The following NDST1 variants were observed in gnomAD, a reference collection of about 807,000 sequenced individuals.
NDST1 encodes bifunctional heparan sulfate N-deacetylase/N-sulfotransferase 1.
A neutral mutation model predicts 92.8 loss-of-function variants in NDST1; 35 were observed. That is an observed-to-expected ratio of 0.38 (90% CI 0.29 to 0.50). The LOEUF (loss-of-function observed/expected upper bound fraction) is 0.50, where lower values mean the gene tolerates loss of function less well. Ranked by LOEUF, NDST1 falls within the 20% of genes least tolerant of loss-of-function variation. NDST1 has a pLI of 0.94. For synonymous variants in NDST1, 493 were observed against 500.3 expected, an observed-to-expected ratio of 0.99 and a Z score of 0.19; for missense variants, 822 against 1,182.7, an observed-to-expected ratio of 0.69 and a Z score of 4.47.
intron 11 of NDST1, among the ~76,000 whole-genome samples, chr5:150,546,840 G>T (rs1755508018): frequency 6.6e-6 from 1 of 152,256 alleles, no homozygotes. Context: ...TTCTGTTTAT[G>T]CCCTGATGTC....
intron 6 of NDST1, among the ~76,000 whole-genome samples, 166 bp from the exon 7 acceptor site, chr5:150,539,062 T>C (rs1002146582): frequency 2.0e-5 from 3 of 152,310 alleles, no homozygotes; most frequent in East Asian, 1.9e-4. Context: ...TGTAGTTCAC[T>C]GGGGGGAACG....
chr5:150,542,573 T>G (rs1755291428), intron 9 of NDST1, among the ~76,000 whole-genome samples: 1 of 152,202 alleles, frequency 6.6e-6, no homozygotes, highest in African/African-American at 2.4e-5. Flanking sequence ...TGAGGCAGAT[T>G]CTGAGGCCAC....
chr5:150,547,097 A>G (rs1271581791), intron 11 of NDST1, among the ~76,000 whole-genome samples: 1 of 152,204 alleles, frequency 6.6e-6, no homozygotes, highest in Non-Finnish European at 1.5e-5. Context: ...AAGGCAGAGG[A>G]GGGGTTTCAC....
intron 13 of NDST1, chr5:150,550,319 C>G (rs938497703): frequency 1.2e-5 from 2 of 162,990 alleles, no homozygotes; most frequent in Admixed American, 5.9e-5. Context: ...TCAGCCTGGT[C>G]TCGAATGATC....
At chr5:150,516,873 T>C (rs1753991058) in intron 1 of NDST1, among the ~76,000 whole-genome samples, 1 of 151,926 alleles carries the variant, frequency 6.6e-6, no homozygotes, top group Admixed American at 6.6e-5. Flanking sequence ...ACCATGTTGG[T>C]CAGGCCGGTC....
chr5:150,509,231 G>A (rs2151249059), intron 1 of NDST1, among the ~76,000 whole-genome samples: 1 of 152,350 alleles, frequency 6.6e-6, no homozygotes, highest in Admixed American at 6.5e-5. Flanking sequence ...CATGCGGGAG[G>A]GTGGGGGCTA....
At chr5:150,513,049 A>AGG (rs961499168) in intron 1 of NDST1, among the ~76,000 whole-genome samples, 1 of 152,188 alleles carries the variant, frequency 6.6e-6, no homozygotes, top group Non-Finnish European at 1.5e-5. Context: ...TTAAAAAATT[A>AGG]GCTGGGCATG....
At chr5:150,498,816 C>T (rs761666129) in intron 1 of NDST1, among the ~76,000 whole-genome samples, 3 of 152,200 alleles carry the variant, frequency 2.0e-5, no homozygotes, top group African/African-American at 4.8e-5. Context: ...CCCCTCCTCC[C>T]GCTACCTGGG....
rs955847344 is a variant in NDST1, at chr5:150,520,940, C to T, written c.-315C>T. ...GGCCTGTCCAGTGTCCTCTGGCCTG[C>T]TGCCCTGCACCCCCAGAAGGCCCTG... On this transcript the variant is annotated 5_prime_UTR_variant, in exon 2 of 15. Coordinates refer to ENST00000261797, the MANE Select transcript of NDST1 (RefSeq NM_001543.5). The T allele has an allele frequency of 3.6e-6, 2 of 550,034 alleles. No individual in the cohort carries two copies. Among genetic ancestry groups the T allele is most frequent in the Non-Finnish European group, 6.4e-6 (2 of 312,892 alleles). 34.1% of individuals were successfully genotyped at this position (550,034 alleles called of 1,614,324 possible). A position where few individuals can be genotyped will look rare whatever the true frequency, so the allele number is the denominator to read the frequency against.
At chr5:150,505,021 A>G (rs1216389832), upstream of NDST1, among the ~76,000 whole-genome samples, 2 of 152,206 alleles carry the variant, frequency 1.3e-5, no homozygotes, top group Non-Finnish European at 2.9e-5. Context: ...TTTCTGAGAA[A>G]GGGGGAAGAA....
rs1754849023 is a variant in NDST1 at position 150,533,682 on chromosome 5, A to T, written c.1096+650A>T. On this transcript the variant is annotated intron_variant, in intron 4 of 14. Coordinates refer to ENST00000261797, the MANE Select transcript of NDST1 (RefSeq NM_001543.5). Reference sequence around the variant, plus strand: ...CTCTTGAATTCTAAGAAAACCATTTATTCAATAATTCAGCAGATGGAGGGG... The same window carrying T: ...CTCTTGAATTCTAAGAAAACCATTTTTTCAATAATTCAGCAGATGGAGGGG... 1.3e-5 allele frequency among the ~76,000 whole-genome samples: 2 copies of T among 152,184 alleles called. 1 individual carries two copies. Among genetic ancestry groups the T allele is most frequent in the African/African-American group, 4.8e-5 (2 of 41,456 alleles).
At chr5:150,512,307 C>A (rs1753764620) in intron 1 of NDST1, among the ~76,000 whole-genome samples, 1 of 152,126 alleles carries the variant, frequency 6.6e-6, no homozygotes, top group Non-Finnish European at 1.5e-5. Context: ...GTGACCTAGG[C>A]TGGAAATAAA....
At position 150,521,116 on chromosome 5, in the gene NDST1, A is replaced by G. The variant is rs1754224055; in HGVS notation, c.-139A>G. 2 of 739,600 alleles carry G rather than the reference A, an allele frequency of 2.7e-6. No individual in the cohort carries two copies. The highest frequency in any genetic ancestry group is 4.3e-6 in the Non-Finnish European group (2 of 460,248). 45.8% of individuals were successfully genotyped at this position (739,600 alleles called of 1,614,324 possible). A position where few individuals can be genotyped will look rare whatever the true frequency, so the allele number is the denominator to read the frequency against. On this transcript the variant is annotated 5_prime_UTR_variant, in exon 2 of 15. Coordinates refer to ENST00000261797, the MANE Select transcript of NDST1 (RefSeq NM_001543.5). The surrounding 1 kb of genome is among the most constrained non-coding windows in gnomAD (Gnocchi z 5.9). ...CTGGGGGCCCAGATCCTCCACTCCC[A>G]GTGCCCCACAAGGGCGTCGCTTCCT...
chr5:150,545,578 A>G, intron 11 of NDST1, 92 bp downstream of exon 11: 1 of 1,501,612 alleles, frequency 6.7e-7, no homozygotes, highest in South Asian at 1.2e-5. Flanking sequence ...ATTATTAGTA[A>G]GCACCTACTG....
At chr5:150,506,875 A>G (rs9324645), upstream of NDST1, among the ~76,000 whole-genome samples, 42,069 of 152,038 alleles carry the variant, frequency 0.28, 6,590 homozygotes, top group African/African-American at 0.41. Flanking sequence ...CCTGTGTTGT[A>G]CCCACCAGGC....
At position 150,521,326 on chromosome 5, in the gene NDST1, C is replaced by T. The variant is rs1754230907; in HGVS notation, c.72C>T (p.Phe24=). The change falls in exon 2 of 15, where the codon TTC becomes TTT. Residue 24 remains phenylalanine, a synonymous_variant. Coordinates refer to ENST00000261797, the MANE Select transcript of NDST1 (RefSeq NM_001543.5). This position sits in a 1 kb window ranked among gnomAD's most constrained non-coding sequence, Gnocchi z 5.9. ...VSPQAVLFLL[F]IFCLFSVFIS... ...CGCAGGCTGTCCTTTTCCTGCTGTTCATCTTCTGCCTGTTCAGCGTTTTCA... is the reference window on the plus strand; with the variant it reads ...CGCAGGCTGTCCTTTTCCTGCTGTTTATCTTCTGCCTGTTCAGCGTTTTCA... 3 of 1,613,428 alleles carry T rather than the reference C, an allele frequency of 1.9e-6. No homozygotes were observed. Among genetic ancestry groups the T allele is most frequent in the Non-Finnish European group, 1.7e-6 (2 of 1,179,934 alleles).
intron 1 of NDST1, among the ~76,000 whole-genome samples, chr5:150,516,458 G>A (rs1408685102): frequency 2.6e-5 from 4 of 152,172 alleles, no homozygotes; most frequent in Admixed American, 6.5e-5. Flanking sequence ...TGGGAAGTAG[G>A]TAGAATTTCC....
At chr5:150,499,373 C>A (rs1753131609) in intron 1 of NDST1, among the ~76,000 whole-genome samples, 1 of 152,242 alleles carries the variant, frequency 6.6e-6, no homozygotes, top group Non-Finnish European at 1.5e-5. Context: ...CATATGCTTA[C>A]ATGATCTTTC....
Position 150,536,029 on chromosome 5 carries a change from C to T in NDST1, c.1437+144C>T, listed in dbSNP as rs1169149300. Reference sequence around the variant, plus strand: ...AGCTTCTGCTGCCTCCTCTGGCACCCGAGGCTCTCTGCCCCAGGGAAGGTG... The same window carrying T: ...AGCTTCTGCTGCCTCCTCTGGCACCTGAGGCTCTCTGCCCCAGGGAAGGTG... On this transcript the variant is annotated intron_variant, in intron 6 of 14. Coordinates refer to ENST00000261797, the MANE Select transcript of NDST1 (RefSeq NM_001543.5). 38 of 969,512 alleles carry T rather than the reference C, an allele frequency of 3.9e-5. No homozygotes were observed. In the Admixed American group the frequency reaches 4.8e-4, roughly 12 times the overall value. The allele number at this position is 969,512 out of a possible 1,614,324, so 60.1% of individuals were successfully genotyped here. A position where few individuals can be genotyped will look rare whatever the true frequency, so the allele number is the denominator to read the frequency against.
Sources: gnomAD v4.1 joint callset for allele counts (sites outside exome capture counted in the v4.1 genomes callset) on GRCh38, gnomAD v4.1.1 for gene constraint, Gnocchi (gnomAD v3.1) non-coding constraint, MANE v1.5 for transcripts, NCBI Gene and HGNC (gene_info 2026-07-23, HGNC 2026-07-21) for gene names.